Variants in CSMD3 observed in about 807,000 individuals in gnomAD.
The protein encoded by CSMD3 is CUB and Sushi multiple domains 3.
Under a neutral mutation model 435.2 loss-of-function variants are expected in CSMD3, and 177 were observed. That is an observed-to-expected ratio of 0.41 (90% CI 0.36 to 0.46). CSMD3 has a LOEUF of 0.46. Among genes scored for constraint, CSMD3 ranks in the 20% least tolerant of loss-of-function variants. The pLI, the probability that CSMD3 is intolerant of heterozygous loss-of-function variation, is 0.34. For missense variants in CSMD3, 4,265 were observed against 4,504.6 expected (o/e 0.95, Z 1.52); for synonymous variants, 1,656 against 1,520.5 (o/e 1.09, Z -2.07).
chr8:113,076,973 A>C (rs938476469), intron 5 of CSMD3, among the ~76,000 whole-genome samples: 5 of 152,158 alleles, frequency 3.3e-5, no homozygotes, highest in Non-Finnish European at 7.4e-5. Flanking sequence ...GCCAGGTATT[A>C]GGGAGACAAA....
At chr8:113,324,345 G>C (rs1240121208) in intron 1 of CSMD3, among the ~76,000 whole-genome samples, 1 of 152,140 alleles carries the variant, frequency 6.6e-6, no homozygotes, top group Non-Finnish European at 1.5e-5. Flanking sequence ...TCATGGGCTA[G>C]GCCTAGGGTC....
At chr8:112,940,568 C>G (rs1356287954) in intron 9 of CSMD3, among the ~76,000 whole-genome samples, 1 of 151,652 alleles carries the variant, frequency 6.6e-6, no homozygotes, top group Non-Finnish European at 1.5e-5. Flanking sequence ...AACTTTATAT[C>G]TCTTTGGCAG....
intron 10 of CSMD3, among the ~76,000 whole-genome samples, chr8:112,897,422 T>G (rs1027357508): frequency 6.6e-6 from 1 of 151,082 alleles, no homozygotes; most frequent in African/African-American, 2.4e-5. Context: ...ACTCTAAGAG[T>G]GAAGGAAGTG....
rs1261248256 is a variant in CSMD3 at position 112,737,064 on chromosome 8, G to GA, written c.1973-47015dup. On this transcript the variant is annotated intron_variant, in intron 13 of 70. Coordinates refer to ENST00000297405, the MANE Select transcript of CSMD3 (RefSeq NM_198123.2). ...GAAAAGTTGAGGCAACCTTCAGAGAGAAAGAAATCTGAGAGAGACATAAAA... is the reference window on the plus strand; with the variant it reads ...GAAAAGTTGAGGCAACCTTCAGAGAGAAAAGAAATCTGAGAGAGACATAAAA... 2.6e-5 allele frequency among the ~76,000 whole-genome samples: 4 copies of GA among 151,878 alleles called. No individual in the cohort carries two copies. In the Admixed American group the frequency reaches 2.6e-4, roughly 10 times the overall value.
chr8:112,306,282 C>G, intron 50 of CSMD3, 90 bp from the exon 51 acceptor site: 1 of 915,960 alleles, frequency 1.1e-6, no homozygotes. Context: ...ACATGCAAAA[C>G]TAACGGGGAT....
At chr8:112,816,349 C>T (rs7013313) in intron 12 of CSMD3, among the ~76,000 whole-genome samples, 5 of 151,940 alleles carry the variant, frequency 3.3e-5, no homozygotes, top group Non-Finnish European at 5.9e-5. Context: ...ATAGAGAAAA[C>T]GGCAGTAAGA....
At chr8:113,321,068 T>G (rs2093946260) in intron 1 of CSMD3, among the ~76,000 whole-genome samples, 1 of 152,082 alleles carries the variant, frequency 6.6e-6, no homozygotes. Flanking sequence ...CCTCATCTCC[T>G]GCATCCTATC....
rs369260364 is a variant in CSMD3, at chr8:112,291,778, T to G, written c.8789-83A>C. 1.8e-3 allele frequency: 1,567 copies of G among 885,752 alleles called. 39 individuals carry two copies. In the South Asian group the frequency reaches 0.023, roughly 13 times the overall value. The allele number at this position is 885,752 out of a possible 1,614,324, so 54.9% of individuals were successfully genotyped here. A position where few individuals can be genotyped will look rare whatever the true frequency, so the allele number is the denominator to read the frequency against. On this transcript the variant is annotated intron_variant, in intron 55 of 70. Transcript: ENST00000297405. ...AGATTTATATTAGAAATGTACATACTTAGTTTCAAAAGTAAATTTATTCAA... is the reference window on the plus strand; with the variant it reads ...AGATTTATATTAGAAATGTACATACGTAGTTTCAAAAGTAAATTTATTCAA...
rs1012196449 is a variant in CSMD3 at position 113,231,593 on chromosome 8, T to C, written c.514+46999A>G. Among the ~76,000 whole-genome samples, 16 of 151,550 alleles carry C rather than the reference T, an allele frequency of 1.1e-4. No homozygotes were observed. In the Admixed American group the frequency reaches 1.1e-3, roughly 10 times the overall value. ...AGTGCATTGTTAAAAAAATTATTTG[T>C]AGAGAAATTTTCTTCATTCAACTAA... On this transcript the variant is annotated intron_variant, in intron 3 of 70. Transcript: ENST00000297405.
At chr8:112,976,954 T>G (rs530941980) in intron 6 of CSMD3, among the ~76,000 whole-genome samples, 2 of 152,024 alleles carry the variant, frequency 1.3e-5, no homozygotes, top group East Asian at 3.9e-4. Flanking sequence ...CATTTCAGAG[T>G]GTGTATATGT....
chr8:113,283,736 T>C (rs2093627632), intron 2 of CSMD3, among the ~76,000 whole-genome samples: 1 of 152,108 alleles, frequency 6.6e-6, no homozygotes, highest in Non-Finnish European at 1.5e-5. Context: ...TGGGTACCTA[T>C]CCAGAGGATA....
At chr8:112,342,706 C>T (rs141249632) in intron 41 of CSMD3, among the ~76,000 whole-genome samples, 135 of 151,864 alleles carry the variant, frequency 8.9e-4, no homozygotes, top group African/African-American at 3.1e-3. Flanking sequence ...TCTGAGTAAA[C>T]GCGCATCATG....
Position 112,689,976 on chromosome 8 carries a change from G to T in CSMD3, c.2047C>A (p.Arg683Ser), listed in dbSNP as rs1266203286. ...TGGCATTCAAACCTTAAAACATCACGATTAGAAAATCCATCGCCTTCTCTA... is the reference window on the plus strand; with the variant it reads ...TGGCATTCAAACCTTAAAACATCACTATTAGAAAATCCATCGCCTTCTCTA... ...GIREGDGFSN[R>S]DVLRFECQFG... is the part of the protein sequence containing the mutation. The change falls in exon 14 of 71, where the codon CGT becomes AGT. Residue 683 changes from arginine (R) to serine (S), a missense_variant. By Grantham distance (110) the Arg-to-Ser change is moderately radical (BLOSUM62 -1). Transcript: ENST00000297405. 1.9e-6 allele frequency: 3 copies of T among 1,612,706 alleles called. No homozygotes were observed. Among genetic ancestry groups the T allele is most frequent in the East Asian group, 4.5e-5 (2 of 44,768 alleles).
intron 66 of CSMD3, among the ~76,000 whole-genome samples, chr8:112,239,594 C>T (rs529594227): frequency 6.6e-6 from 1 of 152,022 alleles, no homozygotes; most frequent in East Asian, 1.9e-4. Context: ...ATAATTTTAA[C>T]CAGTTCTTTA....
At position 112,380,374 on chromosome 8, in the gene CSMD3, T is replaced by C; in HGVS notation, c.6114A>G (p.Ala2038=). The C allele has an allele frequency of 3.8e-6, 6 of 1,584,874 alleles. No homozygotes were observed. Among genetic ancestry groups the C allele is most frequent in the South Asian group, 2.2e-5 (2 of 90,436 alleles). The change falls in exon 38 of 71, where the codon GCA becomes GCG. Residue 2038 remains alanine, a synonymous_variant. Transcript: ENST00000297405. ...TACCTGTGTATTCAAGATGAAATCC[T>C]GCAGCAGAAACACTGATGTCTGATT... ...NFQSDISVSA[A]GFHLEYTAIG...
At chr8:112,442,469 A>G (rs1301576624) in intron 32 of CSMD3, among the ~76,000 whole-genome samples, 1 of 152,202 alleles carries the variant, frequency 6.6e-6, no homozygotes, top group Non-Finnish European at 1.5e-5. Flanking sequence ...GATCATAGGC[A>G]AATTTCTCTA....
intron 17 of CSMD3, among the ~76,000 whole-genome samples, chr8:112,663,138 A>G (rs1174943127): frequency 6.6e-6 from 1 of 152,144 alleles, no homozygotes; most frequent in Non-Finnish European, 1.5e-5. Flanking sequence ...ATTACTGGGT[A>G]TATACCCAAA....
intron 40 of CSMD3, among the ~76,000 whole-genome samples, chr8:112,347,290 C>A (rs984610903): frequency 6.6e-6 from 1 of 152,052 alleles, no homozygotes; most frequent in African/African-American, 2.4e-5. Context: ...TATTCTTGAC[C>A]GTCTAAAGCA....
intron 13 of CSMD3, among the ~76,000 whole-genome samples, chr8:112,718,931 G>A (rs2131958081): frequency 6.6e-6 from 1 of 152,204 alleles, no homozygotes; most frequent in Non-Finnish European, 1.5e-5. Flanking sequence ...GTGGAGATTA[G>A]TATTGAGCTC....
Sources: gnomAD v4.1 joint callset for allele counts (sites outside exome capture counted in the v4.1 genomes callset) on GRCh38, gnomAD v4.1.1 for gene constraint, MANE v1.5 for transcripts, NCBI Gene and HGNC (gene_info 2026-07-23, HGNC 2026-07-21) for gene names.